LRP1B: variants seen among roughly 807,000 people sequenced by gnomAD.
LRP1B encodes the protein low-density lipoprotein receptor-related protein 1B.
In LRP1B, 217 loss-of-function variants were observed where a neutral mutation model predicts 556.6. That is an observed-to-expected ratio of 0.39 (90% CI 0.35 to 0.44). The LOEUF is 0.44. Ranked by LOEUF, LRP1B falls within the 20% of genes least tolerant of loss-of-function variation. The pLI, the probability that LRP1B is intolerant of heterozygous loss-of-function variation, is 1.00. For synonymous variants in LRP1B, 2,047 were observed against 1,865.8 expected (o/e 1.10, Z -2.50); for missense variants, 5,053 against 5,620.8 (o/e 0.90, Z 3.23).
intron 3 of LRP1B, among the ~76,000 whole-genome samples, chr2:141,364,294 C>CACACACACACACAT (rs869084166): frequency 6.7e-6 from 1 of 149,970 alleles, no homozygotes; most frequent in African/African-American, 2.5e-5. Context: ...CACACACACA[C>CACACACACACACAT]GCAAACACAC....
intron 2 of LRP1B, among the ~76,000 whole-genome samples, chr2:141,531,276 C>T (rs1163127936): frequency 2.0e-5 from 3 of 149,482 alleles, no homozygotes; most frequent in Non-Finnish European, 3.0e-5. Flanking sequence ...TATATTATCA[C>T]GTTAATATTT....
chr2:141,852,691 G>A (rs1035698627), intron 1 of LRP1B, among the ~76,000 whole-genome samples: 2 of 151,604 alleles, frequency 1.3e-5, no homozygotes, highest in Non-Finnish European at 3.0e-5. Context: ...CGAGTAATTT[G>A]GGAAAACACA....
chr2:140,920,420 A>G (rs1694704957), intron 21 of LRP1B, among the ~76,000 whole-genome samples: 1 of 152,112 alleles, frequency 6.6e-6, no homozygotes, highest in African/African-American at 2.4e-5. Flanking sequence ...TAAATTAATT[A>G]GCCTGAAACT....
intron 2 of LRP1B, among the ~76,000 whole-genome samples, chr2:141,723,176 A>G (rs1373809896): frequency 6.6e-6 from 1 of 151,892 alleles, no homozygotes; most frequent in African/African-American, 2.4e-5. Flanking sequence ...TTTTGAGGGA[A>G]AAAAGATTTC....
chr2:140,534,533 A>C (rs961829947), intron 46 of LRP1B, among the ~76,000 whole-genome samples: 3 of 152,190 alleles, frequency 2.0e-5, no homozygotes, highest in African/African-American at 7.2e-5. Flanking sequence ...ATCTATCTGC[A>C]AGGATTTTAT....
chr2:141,172,586 T>C (rs1307970622), intron 7 of LRP1B, among the ~76,000 whole-genome samples: 2 of 152,070 alleles, frequency 1.3e-5, no homozygotes, highest in African/African-American at 2.4e-5. Flanking sequence ...CGAACAAGTT[T>C]TATGAGCTGT....
intron 86 of LRP1B, among the ~76,000 whole-genome samples, chr2:140,250,533 T>C (rs1015082753): frequency 4.0e-5 from 6 of 151,766 alleles, no homozygotes; most frequent in African/African-American, 1.2e-4. Flanking sequence ...TTTTTTTTTT[T>C]CCTAGCATTA....
chr2:140,704,418 A>G (rs895601351), intron 37 of LRP1B, among the ~76,000 whole-genome samples: 49 of 152,160 alleles, frequency 3.2e-4, no homozygotes, highest in African/African-American at 1.1e-3. Context: ...TCTCAATTAT[A>G]TTAATCCTGA....
In LRP1B at chr2:140,536,625, A is replaced by G. The variant is rs779909709; in HGVS notation, c.7598T>C (p.Ile2533Thr). 6.2e-7 allele frequency: 1 copy of G among 1,611,998 alleles called. No individual in the cohort carries two copies. Among genetic ancestry groups the G allele is most frequent in the Non-Finnish European group, 8.5e-7 (1 of 1,178,866 alleles). Reference sequence around the variant, plus strand: ...ATCTGATTTATCTTTACAGTGAGGAATGCCATCACAGGTGAGCTGGTAGTC... The same window carrying G: ...ATCTGATTTATCTTTACAGTGAGGAGTGCCATCACAGGTGAGCTGGTAGTC... The part of the protein sequence containing the change: ...CIDYQLTCDG[I>T]PHCKDKSDEK... The change falls in exon 46 of 91, where the codon ATT (isoleucine) becomes ACT (threonine). Residue 2533 changes from isoleucine (I) to threonine (T), a missense_variant. Physicochemically the swap from Ile to Thr is moderately conservative, Grantham distance 89. Transcript: ENST00000389484.
chr2:141,201,056 G>A (rs1404254776), intron 6 of LRP1B, among the ~76,000 whole-genome samples: 1 of 152,100 alleles, frequency 6.6e-6, no homozygotes. Context: ...AGAAATAAGT[G>A]TAGAAGGACC....
At chr2:141,075,460 T>A (rs1430510548) in intron 7 of LRP1B, among the ~76,000 whole-genome samples, 4 of 152,168 alleles carry the variant, frequency 2.6e-5, no homozygotes, top group African/African-American at 9.7e-5. Context: ...GGAGTTTATG[T>A]TTTGGCATAT....
intron 41 of LRP1B, among the ~76,000 whole-genome samples, chr2:140,624,184 T>C (rs1683567701): frequency 6.6e-6 from 1 of 151,784 alleles, no homozygotes; most frequent in Non-Finnish European, 1.5e-5. Flanking sequence ...TCTTATCCAC[T>C]CACAGAAAAA....
At chr2:141,560,436 T>C (rs1166131188) in intron 2 of LRP1B, among the ~76,000 whole-genome samples, 1 of 151,748 alleles carries the variant, frequency 6.6e-6, no homozygotes, top group South Asian at 2.1e-4. Flanking sequence ...ATGGAGAGTA[T>C]ATATCCTGTA....
intron 66 of LRP1B, among the ~76,000 whole-genome samples, chr2:140,407,660 T>C (rs1426955928): frequency 1.3e-5 from 2 of 152,026 alleles, no homozygotes; most frequent in Non-Finnish European, 2.9e-5. Flanking sequence ...ATGATCATAA[T>C]TAAAAAGTCA....
intron 37 of LRP1B, among the ~76,000 whole-genome samples, chr2:140,712,286 A>G (rs1241573052): frequency 6.6e-6 from 1 of 152,142 alleles, no homozygotes; most frequent in African/African-American, 2.4e-5. Context: ...AATCAGTCTG[A>G]GGCCAAGATT....
intron 2 of LRP1B, among the ~76,000 whole-genome samples, chr2:141,792,270 G>A (rs964119440): frequency 2.6e-5 from 4 of 151,884 alleles, no homozygotes; most frequent in Non-Finnish European, 4.4e-5. Flanking sequence ...AAGTAAATAT[G>A]AGTACAGAGC....
At chr2:141,920,421 T>G (rs1700155505) in intron 1 of LRP1B, among the ~76,000 whole-genome samples, 1 of 151,896 alleles carries the variant, frequency 6.6e-6, no homozygotes, top group African/African-American at 2.4e-5. Context: ...GTCCCAAACT[T>G]TGCAGTGGCA....
At chr2:141,242,729 T>C (rs1366987430) in intron 5 of LRP1B, among the ~76,000 whole-genome samples, 1 of 152,130 alleles carries the variant, frequency 6.6e-6, no homozygotes, top group East Asian at 1.9e-4. Flanking sequence ...TTTATTTTAC[T>C]ATTGCTTCAG....
Position 140,378,215 on chromosome 2 carries a change from C to G in LRP1B, c.10603G>C (p.Asp3535His), listed in dbSNP as rs774024032. Reference sequence around the variant, plus strand: ...CCATCTGCACAGTCAAAATCTCCATCACACCAAAACCTTGAAGAAACACAG... The same window carrying G: ...CCATCTGCACAGTCAAAATCTCCATGACACCAAAACCTTGAAGAAACACAG... ...GDCVSSRFWC[D>H]GDFDCADGSD... Residue 3535 changes from aspartate to histidine, a missense_variant, in exon 68 of 91, where the codon GAT becomes CAT. By Grantham distance (81) the Asp-to-His change is moderately conservative. Around this residue, in one of 5 missense-constraint regions of LRP1B, gnomAD observed 599 missense variants for 648.4 expected, o/e 0.92. Transcript: ENST00000389484. 6.2e-7 allele frequency: 1 copy of G among 1,613,734 alleles called. No individual in the cohort carries two copies. Among genetic ancestry groups the G allele is most frequent in the Non-Finnish European group, 8.5e-7 (1 of 1,179,724 alleles).
Sources: gnomAD v4.1 joint callset for allele counts (sites outside exome capture counted in the v4.1 genomes callset) on GRCh38, gnomAD v4.1.1 for gene constraint, gnomAD v4.1.1 regional missense constraint, MANE v1.5 for transcripts, NCBI Gene and HGNC (gene_info 2026-07-23, HGNC 2026-07-21) for gene names.